The following ROBO1 variants were observed in gnomAD, a reference collection of about 807,000 sequenced individuals.
ROBO1 encodes the protein roundabout homolog 1.
Under a neutral mutation model 195.9 loss-of-function variants are expected in ROBO1, and 149 were observed. That is an observed-to-expected ratio of 0.76 (90% CI 0.67 to 0.87). ROBO1 has a LOEUF of 0.87. Ranked by LOEUF, ROBO1 falls within the 40% of genes least tolerant of loss-of-function variation. ROBO1 has a pLI of 0.00. For missense variants in ROBO1, 1,933 were observed against 2,068.3 expected, an observed-to-expected ratio of 0.93 and a Z score of 1.27; for synonymous variants, 816 against 733.2, an observed-to-expected ratio of 1.11 and a Z score of -1.82.
intron 2 of ROBO1, among the ~76,000 whole-genome samples, chr3:79,312,164 T>C (rs2033517900): frequency 1.3e-5 from 2 of 152,224 alleles, no homozygotes; most frequent in African/African-American, 4.8e-5. Flanking sequence ...ACTATTTTCA[T>C]TGATACAATG....
chr3:79,574,718 T>C (rs62258646), intron 2 of ROBO1, among the ~76,000 whole-genome samples: 9,167 of 151,912 alleles, frequency 0.06, 470 homozygotes, highest in Admixed American at 0.13. Context: ...TTACATCAAG[T>C]TAGTACACTC....
chr3:78,639,608 T>G, intron 22 of ROBO1, 136 bp downstream of exon 22: 1 of 769,418 alleles, frequency 1.3e-6, no homozygotes, highest in Non-Finnish European at 1.9e-6. Flanking sequence ...TCAGGCTATT[T>G]TGCTAAACAA....
intron 2 of ROBO1, among the ~76,000 whole-genome samples, chr3:79,513,355 G>T (rs1575948149): frequency 6.6e-6 from 1 of 151,606 alleles, no homozygotes; most frequent in East Asian, 1.9e-4. Flanking sequence ...TTTTTAAGGA[G>T]AAAAAATAAT....
chr3:79,525,379 ATAT>A (rs1028015426), intron 2 of ROBO1, among the ~76,000 whole-genome samples: 2 of 149,740 alleles, frequency 1.3e-5, no homozygotes, highest in African/African-American at 4.9e-5. Context: ...GTTATTGAAA[ATAT>A]TATGAGAAAT....
chr3:79,339,584 C>A (rs988469983), intron 2 of ROBO1, among the ~76,000 whole-genome samples: 1 of 152,146 alleles, frequency 6.6e-6, no homozygotes, highest in African/African-American at 2.4e-5. Flanking sequence ...TCTAATTGCA[C>A]CCTCCCTGAA....
At chr3:79,537,202 G>C (rs575798086) in intron 2 of ROBO1, among the ~76,000 whole-genome samples, 10 of 151,826 alleles carry the variant, frequency 6.6e-5, no homozygotes, top group African/African-American at 2.2e-4. Context: ...TATAGTTAGT[G>C]GTATAGCTGG....
chr3:78,985,757 A>G (rs937649229), intron 3 of ROBO1, among the ~76,000 whole-genome samples: 2 of 152,184 alleles, frequency 1.3e-5, no homozygotes, highest in African/African-American at 4.8e-5. Flanking sequence ...AGTTTTGTTT[A>G]TTATTAATTT....
intron 2 of ROBO1, among the ~76,000 whole-genome samples, chr3:79,313,480 A>G (rs2033586037): frequency 6.6e-6 from 1 of 152,206 alleles, no homozygotes; most frequent in South Asian, 2.1e-4. Flanking sequence ...ATTTCCTTCA[A>G]TGCTTTTAGA....
chr3:79,625,776 G>C (rs952964967), intron 1 of ROBO1, among the ~76,000 whole-genome samples: 13 of 152,084 alleles, frequency 8.5e-5, no homozygotes, highest in African/African-American at 3.1e-4. Flanking sequence ...TTCTACCAGA[G>C]GTACAAGGGG....
chr3:79,415,554 G>C (rs1425052607), intron 2 of ROBO1, among the ~76,000 whole-genome samples: 1 of 152,104 alleles, frequency 6.6e-6, no homozygotes, highest in Non-Finnish European at 1.5e-5. Context: ...TAGGATGAAA[G>C]AATAGCGAGA....
At chr3:79,680,143 C>T (rs550288934) in intron 1 of ROBO1, among the ~76,000 whole-genome samples, 1 of 152,104 alleles carries the variant, frequency 6.6e-6, no homozygotes, top group South Asian at 2.1e-4. Context: ...TACCTCTCTC[C>T]AAATAACAAG....
chr3:79,325,377 A>T (rs1189917289), intron 2 of ROBO1, among the ~76,000 whole-genome samples: 1 of 152,192 alleles, frequency 6.6e-6, no homozygotes, highest in East Asian at 1.9e-4. Flanking sequence ...GTGTCAGTAC[A>T]CTCTGAGGAA....
chr3:79,197,024 T>C (rs1378231559), intron 2 of ROBO1, among the ~76,000 whole-genome samples: 1 of 151,738 alleles, frequency 6.6e-6, no homozygotes, highest in African/African-American at 2.4e-5. Context: ...TATTCCTGTA[T>C]GATAACTAGT....
In ROBO1 at chr3:79,046,449, G is replaced by A. The variant is rs553418885; in HGVS notation, c.172+79007C>T. Among the ~76,000 whole-genome samples, 3 of 151,976 alleles carry A rather than the reference G, an allele frequency of 2.0e-5. No homozygotes were observed. In the South Asian group the frequency reaches 6.3e-4, roughly 32 times the overall value. On this transcript the variant is annotated intron_variant, in intron 3 of 30. Coordinates refer to ENST00000464233, the MANE Select transcript of ROBO1 (RefSeq NM_002941.4). The stretch of plus-strand genomic sequence containing the variant: ...GAAGTGATAGGAAAATATATTACAC[G>A]GTAATGTAACATATATATAATAACT...
At chr3:79,572,037 C>T (rs896038321) in intron 2 of ROBO1, among the ~76,000 whole-genome samples, 1 of 152,054 alleles carries the variant, frequency 6.6e-6, no homozygotes, top group Admixed American at 6.6e-5. Flanking sequence ...GTTTTAAAGT[C>T]ATTCTTAATG....
At chr3:79,538,660 C>G (rs545509309) in intron 2 of ROBO1, among the ~76,000 whole-genome samples, 53 of 152,204 alleles carry the variant, frequency 3.5e-4, no homozygotes, top group South Asian at 3.1e-3. Context: ...TTTCTAGGAT[C>G]TGTCTTTTCA....
chr3:78,611,112 G>T (rs1703781748), intron 28 of ROBO1, among the ~76,000 whole-genome samples: 1 of 152,056 alleles, frequency 6.6e-6, no homozygotes, highest in Non-Finnish European at 1.5e-5. Flanking sequence ...ACAGTATAAT[G>T]CATGTAAAGT....
chr3:78,998,270 C>T (rs529172514), intron 3 of ROBO1, among the ~76,000 whole-genome samples: 80 of 152,184 alleles, frequency 5.3e-4, no homozygotes, highest in African/African-American at 1.8e-3. Context: ...ATCTTAAGTA[C>T]CAGCTCACAG....
At position 78,758,089 on chromosome 3, in the gene ROBO1, C is replaced by A. The variant is rs141075137; in HGVS notation, c.500-11189G>T. 6.0e-4 allele frequency among the ~76,000 whole-genome samples: 91 copies of A among 152,330 alleles called. No homozygotes were observed. In the East Asian group the frequency reaches 0.012, roughly 19 times the overall value. Reference sequence around the variant, plus strand: ...CAGCTCTGGCAGACAAAGTTTAAGACCTCCTCTGGATGATAGCTAGAATCA... The same window carrying A: ...CAGCTCTGGCAGACAAAGTTTAAGAACTCCTCTGGATGATAGCTAGAATCA... On this transcript the variant is annotated intron_variant, in intron 4 of 30. Transcript: ENST00000464233.
Sources: gnomAD v4.1 joint callset for allele counts (sites outside exome capture counted in the v4.1 genomes callset) on GRCh38, gnomAD v4.1.1 for gene constraint, MANE v1.5 for transcripts, NCBI Gene and HGNC (gene_info 2026-07-23, HGNC 2026-07-21) for gene names.